Variants in LRP1B observed in about 807,000 individuals in gnomAD.
The protein encoded by LRP1B is LDL receptor related protein 1B.
In LRP1B, 217 loss-of-function variants were observed where a neutral mutation model predicts 556.6. That is an observed-to-expected ratio of 0.39 (90% CI 0.35 to 0.44). The LOEUF is 0.44. Among genes scored for constraint, LRP1B ranks in the 20% least tolerant of loss-of-function variants. The probability of loss-of-function intolerance (pLI) is 1.00; values close to 1 mark genes in which losing one functional copy is unlikely to be tolerated. For missense variants in LRP1B, 5,053 were observed against 5,620.8 expected, an observed-to-expected ratio of 0.90 and a Z score of 3.23; for synonymous variants, 2,047 against 1,865.8, an observed-to-expected ratio of 1.10 and a Z score of -2.50.
chr2:142,053,781 G>A (rs1468712050), intron 1 of LRP1B, among the ~76,000 whole-genome samples: 1 of 152,162 alleles, frequency 6.6e-6, no homozygotes, highest in Non-Finnish European at 1.5e-5. Flanking sequence ...TCTTATGTGA[G>A]CTGCTGGATA....
At chr2:141,095,273 G>A (rs1700269099) in intron 7 of LRP1B, among the ~76,000 whole-genome samples, 1 of 130,366 alleles carries the variant, frequency 7.7e-6, no homozygotes, top group Non-Finnish European at 1.7e-5. Context: ...AGAGAAAGAG[G>A]CAGTTTTTTG....
In LRP1B at chr2:141,426,138, T is replaced by G. The variant is rs866784404; in HGVS notation, c.343+54258A>C. Among the ~76,000 whole-genome samples the G allele has an allele frequency of 5.3e-5, 8 of 152,208 alleles. 1 individual carries two copies. The Middle Eastern group carries it at 0.014, about 259-fold the overall frequency. ...GGATCCAGTTTCAGCTTTCTACATA[T>G]GGCTAGCCAGTTTTCCCAGCACCAT... On this transcript the variant is annotated intron_variant, in intron 3 of 90. Coordinates refer to ENST00000389484, the MANE Select transcript of LRP1B (RefSeq NM_018557.3).
chr2:142,025,909 T>A (rs1042167470), intron 1 of LRP1B, among the ~76,000 whole-genome samples: 4 of 152,092 alleles, frequency 2.6e-5, no homozygotes, highest in Non-Finnish European at 5.9e-5. Context: ...ATGAATAGAT[T>A]TGACCTACTA....
intron 1 of LRP1B, among the ~76,000 whole-genome samples, chr2:142,121,454 C>T (rs72852605): frequency 0.016 from 2,480 of 152,240 alleles, 28 homozygotes; most frequent in Non-Finnish European, 0.024. Context: ...CAAACACACA[C>T]AGTTTATTTC....
chr2:141,931,556 T>C (rs1332822660), intron 1 of LRP1B, among the ~76,000 whole-genome samples: 1 of 151,998 alleles, frequency 6.6e-6, no homozygotes, highest in Non-Finnish European at 1.5e-5. Context: ...TTTTCTAAAG[T>C]TTTCTCTTTT....
At chr2:141,583,795 C>A (rs115676372) in intron 2 of LRP1B, among the ~76,000 whole-genome samples, 4,268 of 151,856 alleles carry the variant, frequency 0.028, 220 homozygotes, top group African/African-American at 0.095. Flanking sequence ...GCTGGAGTGC[C>A]GTGGCACTAT....
chr2:141,099,528 T>C (rs1213314241), intron 7 of LRP1B, among the ~76,000 whole-genome samples: 1 of 152,176 alleles, frequency 6.6e-6, no homozygotes, highest in East Asian at 1.9e-4. Context: ...CATGTATGAG[T>C]GCATACACAC....
chr2:140,915,199 CA>C (rs1422874989), intron 21 of LRP1B, among the ~76,000 whole-genome samples: 2 of 151,780 alleles, frequency 1.3e-5, no homozygotes, highest in Non-Finnish European at 2.9e-5. Context: ...AGAAGGAAGA[CA>C]GGGAAAAGGT....
chr2:140,872,372 T>TTGTTTG lies in LRP1B; in HGVS notation c.4170-4110_4170-4109insCAAACA, dbSNP rs1553549732. Among the ~76,000 whole-genome samples, 235 of 144,562 alleles carry TTGTTTG rather than the reference T, an allele frequency of 1.6e-3. 2 individuals are homozygous for TTGTTTG. The highest frequency in any genetic ancestry group is 5.7e-3 in the African/African-American group (219 of 38,596). 94.8% of individuals were successfully genotyped at this position (144,562 alleles called of 152,430 possible). On this transcript the variant is annotated intron_variant, in intron 25 of 90. Coordinates refer to ENST00000389484, the MANE Select transcript of LRP1B (RefSeq NM_018557.3). ...ATTGTGTCACCTGATTTTTTTTTTT[T>TTGTTTG]TTTTTTTTTTTTTTTTACTAAAGTA...
intron 32 of LRP1B, among the ~76,000 whole-genome samples, chr2:140,797,505 C>A (rs541893347): frequency 1.3e-5 from 2 of 151,776 alleles, no homozygotes; most frequent in African/African-American, 4.8e-5. Context: ...TATTAAAATG[C>A]ATAATAATAG....
At chr2:141,891,898 C>G (rs539774805) in intron 1 of LRP1B, among the ~76,000 whole-genome samples, 76 of 152,040 alleles carry the variant, frequency 5.0e-4, no homozygotes, top group African/African-American at 1.8e-3. Flanking sequence ...ACAGACAGAT[C>G]AAGACATAAT....
At chr2:140,764,820 G>A (rs1218850604) in intron 35 of LRP1B, among the ~76,000 whole-genome samples, 2 of 152,028 alleles carry the variant, frequency 1.3e-5, no homozygotes, top group South Asian at 4.1e-4. Context: ...TAACATTAGG[G>A]TTCACTCTTG....
chr2:141,602,698 T>C (rs1687791083), intron 2 of LRP1B, among the ~76,000 whole-genome samples: 1 of 152,150 alleles, frequency 6.6e-6, no homozygotes, highest in Non-Finnish European at 1.5e-5. Flanking sequence ...CATTGCTTTC[T>C]CCTAATATCC....
At chr2:140,728,787 C>T (rs1309002994) in intron 35 of LRP1B, among the ~76,000 whole-genome samples, 1 of 152,002 alleles carries the variant, frequency 6.6e-6, no homozygotes, top group African/African-American at 2.4e-5. Context: ...GTTCTGGTAT[C>T]TTGAGTTAAA....
chr2:141,066,878 A>G (rs1558836875), intron 7 of LRP1B, among the ~76,000 whole-genome samples: 2 of 151,980 alleles, frequency 1.3e-5, no homozygotes, highest in Non-Finnish European at 2.9e-5. Flanking sequence ...GGAGTAAGAC[A>G]TAAGAGTAGG....
At chr2:140,481,578 T>TTTATTATTATTATTATTA (rs539100695) in intron 59 of LRP1B, among the ~76,000 whole-genome samples, 2 of 137,130 alleles carry the variant, frequency 1.5e-5, no homozygotes, top group African/African-American at 2.6e-5. Flanking sequence ...GGTAGCCATC[T>TTTATTATTATTATTATTA]TTATTATTAT....
At chr2:140,812,618 A>G (rs920815740) in intron 32 of LRP1B, among the ~76,000 whole-genome samples, 5 of 151,954 alleles carry the variant, frequency 3.3e-5, no homozygotes, top group Non-Finnish European at 7.4e-5. Flanking sequence ...TCAAAAAAAA[A>G]CCTCACAAAC....
At chr2:140,250,921 G>A (rs991835541) in intron 86 of LRP1B, among the ~76,000 whole-genome samples, 3 of 151,162 alleles carry the variant, frequency 2.0e-5, no homozygotes, top group African/African-American at 7.3e-5. Flanking sequence ...CAGCATGATC[G>A]CTCAAAAGAT....
intron 1 of LRP1B, among the ~76,000 whole-genome samples, chr2:141,943,214 T>C (rs986788899): frequency 2.0e-5 from 3 of 152,202 alleles, no homozygotes; most frequent in African/African-American, 7.2e-5. Flanking sequence ...AAAAATAGAC[T>C]TTTAAAAGAT....
Sources: allele counts gnomAD v4.1 joint callset (sites outside exome capture counted in the v4.1 genomes callset), GRCh38; gene constraint gnomAD v4.1.1; transcripts MANE v1.5; gene names NCBI Gene and HGNC (gene_info 2026-07-23, HGNC 2026-07-21).